The following RHOH variants were observed in gnomAD, a reference collection of about 807,000 sequenced individuals.
RHOH encodes the protein rho-related GTP-binding protein RhoH.
A neutral mutation model predicts 13.8 loss-of-function variants in RHOH; 6 were observed. That is an observed-to-expected ratio of 0.44 (90% CI 0.24 to 0.86). The LOEUF is 0.86. Ranked by LOEUF, RHOH falls within the 40% of genes least tolerant of loss-of-function variation. RHOH has a pLI of 0.24. For synonymous variants in RHOH, 117 were observed against 103.0 expected (o/e 1.14, Z -0.82); for missense variants, 147 against 244.5 (o/e 0.60, Z 2.66).
chr4:40,234,449 C>T (rs1226455510), intron 1 of RHOH, among the ~76,000 whole-genome samples: 4 of 152,104 alleles, frequency 2.6e-5, no homozygotes, highest in Non-Finnish European at 5.9e-5. Context: ...CCTCAGGCAA[C>T]GATTCCTTGA....
intron 1 of RHOH, chr4:40,212,573 C>T (rs547358217): frequency 3.3e-5 from 5 of 152,174 alleles, no homozygotes; most frequent in Non-Finnish European, 5.9e-5. Flanking sequence ...CTTCCTTCTC[C>T]TCCAATCAAA....
At chr4:40,228,318 G>C (rs1727487585) in intron 1 of RHOH, among the ~76,000 whole-genome samples, 1 of 152,196 alleles carries the variant, frequency 6.6e-6, no homozygotes, top group East Asian at 1.9e-4. Context: ...TTTGGTTCTA[G>C]GTGGTAACTG....
intron 1 of RHOH, among the ~76,000 whole-genome samples, chr4:40,205,514 T>G (rs1329572317): frequency 6.6e-6 from 1 of 152,252 alleles, no homozygotes; most frequent in Non-Finnish European, 1.5e-5. Flanking sequence ...TTTTCCTGTG[T>G]AGCCTTTTGA....
chr4:40,192,121 T>G (rs1420973327), upstream of RHOH, among the ~76,000 whole-genome samples: 1 of 152,198 alleles, frequency 6.6e-6, no homozygotes, highest in African/African-American at 2.4e-5. Context: ...GTTCCCATCA[T>G]GAAATCTCTC....
At chr4:40,237,663 A>G (rs1404622224) in intron 1 of RHOH, among the ~76,000 whole-genome samples, 1 of 152,166 alleles carries the variant, frequency 6.6e-6, no homozygotes, top group African/African-American at 2.4e-5. Context: ...GGTGGAATCA[A>G]TTTTCTTAGT....
chr4:40,195,476 T>C (rs1723051406), upstream of RHOH, among the ~76,000 whole-genome samples: 4 of 150,834 alleles, frequency 2.7e-5, no homozygotes, highest in Admixed American at 2.6e-4. Flanking sequence ...TCTCTCTCTT[T>C]TTTCGAGACA....
chr4:40,233,741 T>G (rs1213210689), intron 1 of RHOH, among the ~76,000 whole-genome samples: 3 of 152,118 alleles, frequency 2.0e-5, no homozygotes, highest in Non-Finnish European at 4.4e-5. Flanking sequence ...AATTTTCACA[T>G]GTCATAAAAT....
At chr4:40,215,877 G>A (rs1015171713) in intron 1 of RHOH, among the ~76,000 whole-genome samples, 4 of 152,020 alleles carry the variant, frequency 2.6e-5, no homozygotes, top group South Asian at 4.2e-4. Context: ...CCAAAATCAC[G>A]CCACTGCAGT....
intron 1 of RHOH, among the ~76,000 whole-genome samples, chr4:40,197,519 A>T (rs1723341503): frequency 6.6e-6 from 1 of 152,222 alleles, no homozygotes; most frequent in East Asian, 1.9e-4. Context: ...GAAACATGAA[A>T]AGTTACAATA....
chr4:40,218,688 T>C lies in RHOH; in HGVS notation c.-331+21388T>C, dbSNP rs2109439263. Among the ~76,000 whole-genome samples, 1 of 152,350 alleles carries C rather than the reference T, an allele frequency of 6.6e-6. No homozygotes were observed. Among genetic ancestry groups the C allele is most frequent in the Non-Finnish European group, 1.5e-5 (1 of 68,030 alleles). ...CTGCTCTCAAGGCAGCATGTGATATTGATGGTTCACAGAAACATGAACTAC... is the reference window on the plus strand; with the variant it reads ...CTGCTCTCAAGGCAGCATGTGATATCGATGGTTCACAGAAACATGAACTAC... On this transcript the variant is annotated intron_variant, in intron 1 of 2. Coordinates refer to ENST00000381799, the MANE Select transcript of RHOH (RefSeq NM_004310.5). This position sits in a 1 kb window ranked among gnomAD's most constrained non-coding sequence, Gnocchi z 4.1.
At chr4:40,199,238 AT>A (rs1217078755) in intron 1 of RHOH, among the ~76,000 whole-genome samples, 2 of 152,164 alleles carry the variant, frequency 1.3e-5, no homozygotes, top group Non-Finnish European at 2.9e-5. Context: ...TGAAAAAAAA[AT>A]CTCTCAATAG....
chr4:40,206,756 T>TTCCTAAACAC (rs1441668481), intron 1 of RHOH, among the ~76,000 whole-genome samples: 1 of 152,228 alleles, frequency 6.6e-6, no homozygotes, highest in Non-Finnish European at 1.5e-5. Flanking sequence ...TGTCACTATA[T>TTCCTAAACAC]TCCTAAACAC....
upstream of RHOH, among the ~76,000 whole-genome samples, chr4:40,192,434 A>G (rs1722742234): frequency 6.6e-6 from 1 of 152,218 alleles, no homozygotes; most frequent in Non-Finnish European, 1.5e-5. Context: ...TTAGTAGATG[A>G]CTCAAGTCTC....
At chr4:40,214,729 C>T (rs1308957122) in intron 1 of RHOH, among the ~76,000 whole-genome samples, 1 of 152,168 alleles carries the variant, frequency 6.6e-6, no homozygotes, top group Non-Finnish European at 1.5e-5. Context: ...GAGAGAGAAC[C>T]TTGGCTAATG....
chr4:40,210,635 C>T (rs922495661), intron 1 of RHOH, among the ~76,000 whole-genome samples: 6 of 144,732 alleles, frequency 4.1e-5, no homozygotes, highest in Non-Finnish European at 7.6e-5. Context: ...GCATACATTC[C>T]TAACAGGCAG....
intron 1 of RHOH, among the ~76,000 whole-genome samples, chr4:40,238,307 C>T (rs1429650240): frequency 6.6e-6 from 1 of 152,176 alleles, no homozygotes; most frequent in Non-Finnish European, 1.5e-5. Flanking sequence ...CAGGTCTTTC[C>T]AGCCAATAGG....
chr4:40,191,420 A>G (rs1382722116), upstream of RHOH: 1 of 152,228 alleles, frequency 6.6e-6, no homozygotes, highest in Non-Finnish European at 1.5e-5. Flanking sequence ...TTTGTAGTTT[A>G]TTAAGCTGTC....
At chr4:40,210,396 T>G (rs1283275588) in intron 1 of RHOH, among the ~76,000 whole-genome samples, 1 of 152,264 alleles carries the variant, frequency 6.6e-6, no homozygotes, top group South Asian at 2.1e-4. Context: ...TGCACGATGA[T>G]TGCTGCAGCT....
chr4:40,198,103 G>C (rs768562303), intron 1 of RHOH, among the ~76,000 whole-genome samples: 15 of 152,204 alleles, frequency 9.9e-5, no homozygotes, highest in Non-Finnish European at 2.1e-4. Context: ...GTAAAATTTA[G>C]GAAGCAATGC....
Sources: gnomAD v4.1 joint callset for allele counts (sites outside exome capture counted in the v4.1 genomes callset) on GRCh38, gnomAD v4.1.1 for gene constraint, Gnocchi (gnomAD v3.1) non-coding constraint, MANE v1.5 for transcripts, NCBI Gene and HGNC (gene_info 2026-07-23, HGNC 2026-07-21) for gene names.